CSMD1: variants seen among roughly 807,000 people sequenced by gnomAD.
The protein encoded by CSMD1 is CUB and Sushi multiple domains 1, also known as CUB and sushi domain-containing protein 1.
Under a neutral mutation model 417.5 loss-of-function variants are expected in CSMD1, and 213 were observed. The ratio of observed to expected loss-of-function variants is 0.51; its 90% CI spans 0.46 to 0.57. The LOEUF is 0.57. Among genes scored for constraint, CSMD1 ranks in the 20% least tolerant of loss-of-function variants. The pLI is 0.00. For missense variants in CSMD1, 6,923 were observed against 4,529.7 expected, an observed-to-expected ratio of 1.53 and a Z score of -15.17; for synonymous variants, 2,862 against 1,736.8, an observed-to-expected ratio of 1.65 and a Z score of -16.11.
chr8:4,003,426 A>G (rs1185990261), intron 4 of CSMD1, among the ~76,000 whole-genome samples: 1 of 151,878 alleles, frequency 6.6e-6, no homozygotes, highest in East Asian at 1.9e-4. Context: ...AAACAAATAA[A>G]TAAATAAATA....
At chr8:3,693,028 G>A (rs1014558104) in intron 7 of CSMD1, among the ~76,000 whole-genome samples, 1 of 151,842 alleles carries the variant, frequency 6.6e-6, no homozygotes, top group Admixed American at 6.6e-5. Flanking sequence ...AAACTCTTAA[G>A]AAGGTTTACA....
intron 1 of CSMD1, among the ~76,000 whole-genome samples, chr8:4,876,085 A>G (rs1383679081): frequency 6.6e-6 from 1 of 152,132 alleles, no homozygotes; most frequent in Middle Eastern, 3.2e-3. Context: ...CCTAATGAGT[A>G]TAACAAAAAA....
rs1302662828 is a variant in CSMD1, at chr8:4,031,916, G to A, written c.599C>T (p.Pro200Leu). 1.9e-6 allele frequency: 3 copies of A among 1,613,232 alleles called. No homozygotes were observed. Among genetic ancestry groups the A allele is most frequent in the Non-Finnish European group, 2.5e-6 (3 of 1,179,560 alleles). The change falls in exon 4 of 70, where the codon CCC becomes CTC. Residue 200 changes from proline to leucine, a missense_variant. By Grantham distance (98) the Pro-to-Leu change is moderately conservative (BLOSUM62 -3). Coordinates refer to ENST00000635120, the MANE Select transcript of CSMD1 (RefSeq NM_033225.6). Reference protein sequence around the residue: ...GNGASWDFPAPFCRAEGACGG... With the variant: ...GNGASWDFPALFCRAEGACGG... ...TTGTAGCACTGTACCTCTGCAAAAGGGAGCTGGGAAGTCCCACGATGCACC... is the reference window on the plus strand; with the variant it reads ...TTGTAGCACTGTACCTCTGCAAAAGAGAGCTGGGAAGTCCCACGATGCACC...
chr8:4,033,236 C>A (rs987077308), intron 3 of CSMD1, among the ~76,000 whole-genome samples: 4 of 150,110 alleles, frequency 2.7e-5, no homozygotes, highest in Admixed American at 6.7e-5. Flanking sequence ...GTCAAGAGAT[C>A]GAGACCATCC....
At position 3,467,221 on chromosome 8, in the gene CSMD1, T is replaced by C. The variant is rs143844434; in HGVS notation, c.1561+1491A>G. 6.7e-3 allele frequency among the ~76,000 whole-genome samples: 1,025 copies of C among 152,330 alleles called. 16 individuals carry two copies. Among genetic ancestry groups the C allele is most frequent in the African/African-American group, 0.024 (991 of 41,580 alleles). On this transcript the variant is annotated intron_variant, in intron 12 of 69. Coordinates refer to ENST00000635120, the MANE Select transcript of CSMD1 (RefSeq NM_033225.6). The stretch of plus-strand genomic sequence containing the variant: ...GTCTCTTCATAGTCAAGGATGCAGT[T>C]TGGGCACGAGGTTCCTCTCCTATTC...
chr8:3,822,296 A>T (rs538017142), intron 5 of CSMD1, among the ~76,000 whole-genome samples: 110 of 152,234 alleles, frequency 7.2e-4, no homozygotes, highest in African/African-American at 2.5e-3. Flanking sequence ...GCTTGTGTCT[A>T]GGGGGAAGAA....
chr8:4,167,347 G>C (rs1280882771), intron 3 of CSMD1, among the ~76,000 whole-genome samples: 2 of 152,126 alleles, frequency 1.3e-5, no homozygotes, highest in Non-Finnish European at 2.9e-5. Flanking sequence ...ACTTTGTGAA[G>C]GGTGCCTGGT....
intron 7 of CSMD1, among the ~76,000 whole-genome samples, chr8:3,692,255 A>G (rs1157678650): frequency 4.6e-5 from 7 of 152,118 alleles, no homozygotes; most frequent in Admixed American, 4.6e-4. Flanking sequence ...CTTAGTCGCT[A>G]TCCTGCGATT....
intron 54 of CSMD1, among the ~76,000 whole-genome samples, chr8:2,993,143 TA>T (rs1806548895): frequency 6.6e-6 from 1 of 152,208 alleles, no homozygotes; most frequent in Admixed American, 6.5e-5. Context: ...TTTTACTCAT[TA>T]AAAACTGCTT....
chr8:3,835,174 T>C (rs1802606873), intron 5 of CSMD1, among the ~76,000 whole-genome samples: 1 of 148,258 alleles, frequency 6.7e-6, no homozygotes. Flanking sequence ...TCCTCAGGGA[T>C]CTAGAACTAG....
At chr8:3,791,683 C>A (rs989897852) in intron 5 of CSMD1, among the ~76,000 whole-genome samples, 6 of 152,070 alleles carry the variant, frequency 3.9e-5, no homozygotes, top group African/African-American at 1.4e-4. Context: ...ATTAGCTGGG[C>A]ACGATGGTGG....
chr8:4,081,415 C>G (rs531974769), intron 3 of CSMD1, among the ~76,000 whole-genome samples: 2 of 152,216 alleles, frequency 1.3e-5, no homozygotes, highest in East Asian at 1.9e-4. Context: ...TTGCAGCTTC[C>G]TCCTTTTTGC....
At chr8:3,016,985 A>G (rs915385096) in intron 52 of CSMD1, among the ~76,000 whole-genome samples, 5 of 152,224 alleles carry the variant, frequency 3.3e-5, no homozygotes, top group African/African-American at 1.2e-4. Flanking sequence ...CTGACCCATC[A>G]TTTAACAGTT....
At chr8:3,066,030 G>A (rs1351216196) in intron 49 of CSMD1, among the ~76,000 whole-genome samples, 1 of 152,016 alleles carries the variant, frequency 6.6e-6, no homozygotes, top group Non-Finnish European at 1.5e-5. Flanking sequence ...ATAATAATGG[G>A]CCAACTTTCC....
chr8:4,944,349 G>C (rs192248785), intron 1 of CSMD1, among the ~76,000 whole-genome samples: 4 of 152,266 alleles, frequency 2.6e-5, no homozygotes, highest in Admixed American at 1.3e-4. Flanking sequence ...CAGTGAGTTT[G>C]GGTTTAAATT....
At chr8:3,456,350 C>A (rs1252896370) in intron 12 of CSMD1, among the ~76,000 whole-genome samples, 4 of 149,676 alleles carry the variant, frequency 2.7e-5, no homozygotes, top group South Asian at 2.1e-4. Flanking sequence ...CGAGGTACCT[C>A]AGTTAGAAAT....
intron 5 of CSMD1, among the ~76,000 whole-genome samples, chr8:3,892,196 G>T (rs3102406): frequency 1.3e-5 from 2 of 152,096 alleles, no homozygotes; most frequent in Non-Finnish European, 2.9e-5. Context: ...CCAATGTGTA[G>T]CCCTATTTTA....
intron 2 of CSMD1, among the ~76,000 whole-genome samples, chr8:4,541,118 G>C (rs1245400525): frequency 1.3e-5 from 2 of 152,172 alleles, no homozygotes; most frequent in African/African-American, 4.8e-5. Flanking sequence ...TGAGAATTAT[G>C]AGAACTGATT....
At chr8:4,114,426 C>T (rs1404802341) in intron 3 of CSMD1, among the ~76,000 whole-genome samples, 1 of 152,196 alleles carries the variant, frequency 6.6e-6, no homozygotes, top group Non-Finnish European at 1.5e-5. Flanking sequence ...TCATTGACAA[C>T]ACAGGTGGTT....
Sources: allele counts gnomAD v4.1 joint callset (sites outside exome capture counted in the v4.1 genomes callset), GRCh38; gene constraint gnomAD v4.1.1; transcripts MANE v1.5; gene names NCBI Gene and HGNC (gene_info 2026-07-23, HGNC 2026-07-21).